HS6ST3: variants seen among roughly 807,000 people sequenced by gnomAD.
HS6ST3 encodes heparan sulfate 6-O-sulfotransferase 3, also known as heparan-sulfate 6-O-sulfotransferase 3.
A neutral mutation model predicts 36.7 loss-of-function variants in HS6ST3; 12 were observed. That is an observed-to-expected ratio of 0.33 (90% CI 0.21 to 0.53). The LOEUF is 0.53. HS6ST3 is among the 20% of genes least tolerant of loss of function. The pLI, the probability that HS6ST3 is intolerant of heterozygous loss-of-function variation, is 0.95. For missense variants in HS6ST3, 584 were observed against 640.9 expected, an observed-to-expected ratio of 0.91 and a Z score of 0.96; for synonymous variants, 240 against 257.5, an observed-to-expected ratio of 0.93 and a Z score of 0.65.
At chr13:96,162,632 G>A (rs553601161) in intron 1 of HS6ST3, among the ~76,000 whole-genome samples, 5 of 152,318 alleles carry the variant, frequency 3.3e-5, no homozygotes, top group African/African-American at 1.2e-4. Flanking sequence ...AAAAGGTGGT[G>A]TGAAGAATTC....
intron 1 of HS6ST3, among the ~76,000 whole-genome samples, chr13:96,134,990 G>T (rs1039517340): frequency 6.6e-6 from 1 of 152,182 alleles, no homozygotes; most frequent in Non-Finnish European, 1.5e-5. Flanking sequence ...CAGTCATTGG[G>T]ACCTGCAAGT....
chr13:96,238,700 A>G (rs1364363849), intron 1 of HS6ST3, among the ~76,000 whole-genome samples: 1 of 152,228 alleles, frequency 6.6e-6, no homozygotes, highest in Non-Finnish European at 1.5e-5. Flanking sequence ...CAAGGCTGGA[A>G]GCCCCAAGAA....
chr13:96,325,320 A>G (rs923635707), intron 1 of HS6ST3, among the ~76,000 whole-genome samples: 1 of 152,198 alleles, frequency 6.6e-6, no homozygotes, highest in African/African-American at 2.4e-5. Context: ...GACCTTCTGT[A>G]TCTGCAGGTT....
At chr13:96,425,613 CTGTG>C (rs147773346) in intron 1 of HS6ST3, among the ~76,000 whole-genome samples, 1 of 151,142 alleles carries the variant, frequency 6.6e-6, no homozygotes, top group African/African-American at 2.4e-5. Flanking sequence ...TGTAAACCTT[CTGTG>C]TGTGTGTGTG....
chr13:96,540,448 T>C (rs879629065), intron 1 of HS6ST3, among the ~76,000 whole-genome samples: 1 of 150,596 alleles, frequency 6.6e-6, no homozygotes, highest in Non-Finnish European at 1.5e-5. Flanking sequence ...TTACATTGGA[T>C]CCATTTTATC....
intron 1 of HS6ST3, among the ~76,000 whole-genome samples, chr13:96,685,092 C>T (rs1373114281): frequency 2.0e-5 from 3 of 152,034 alleles, no homozygotes; most frequent in Admixed American, 6.6e-5. Flanking sequence ...TTTGGCAGGG[C>T]CTGGTTCTCT....
intron 1 of HS6ST3, among the ~76,000 whole-genome samples, chr13:96,366,228 C>T (rs1382355206): frequency 1.3e-5 from 2 of 152,116 alleles, no homozygotes; most frequent in African/African-American, 4.8e-5. Flanking sequence ...GTAATCCCAG[C>T]ACTCTGGGAG....
chr13:96,305,462 C>G (rs956727942), intron 1 of HS6ST3, among the ~76,000 whole-genome samples: 2 of 152,078 alleles, frequency 1.3e-5, no homozygotes, highest in African/African-American at 4.8e-5. Context: ...TCAGACAGCT[C>G]TGTGTTTGCA....
chr13:96,479,209 G>A (rs1244717502), intron 1 of HS6ST3, among the ~76,000 whole-genome samples: 4 of 152,158 alleles, frequency 2.6e-5, no homozygotes, highest in African/African-American at 4.8e-5. Context: ...TTGCCTAAAC[G>A]GGTTCCTAAG....
At chr13:96,363,128 C>T (rs2055246590) in intron 1 of HS6ST3, among the ~76,000 whole-genome samples, 1 of 151,926 alleles carries the variant, frequency 6.6e-6, no homozygotes, top group African/African-American at 2.4e-5. Flanking sequence ...CATAGGACTG[C>T]ACACACACAC....
At chr13:96,661,620 G>A (rs2056646722) in intron 1 of HS6ST3, among the ~76,000 whole-genome samples, 1 of 152,038 alleles carries the variant, frequency 6.6e-6, no homozygotes, top group South Asian at 2.1e-4. Context: ...GACATGTGAG[G>A]TTTTGTTTCT....
chr13:96,675,392 AT>A (rs2138433978), intron 1 of HS6ST3, among the ~76,000 whole-genome samples: 1 of 152,226 alleles, frequency 6.6e-6, no homozygotes, highest in South Asian at 2.1e-4. Flanking sequence ...ATATTTATAT[AT>A]GTCACATTTG....
At chr13:96,109,605 C>G (rs2053858469) in intron 1 of HS6ST3, among the ~76,000 whole-genome samples, 1 of 152,088 alleles carries the variant, frequency 6.6e-6, no homozygotes, top group Admixed American at 6.5e-5. Context: ...TTGTTCTGTT[C>G]TGGAGAAGTG....
chr13:96,095,796 CATT>C (rs1312651847), intron 1 of HS6ST3, among the ~76,000 whole-genome samples: 2 of 151,684 alleles, frequency 1.3e-5, no homozygotes, highest in African/African-American at 4.9e-5. Context: ...TTCAGTCAAT[CATT>C]GTGTCCAGAG....
intron 1 of HS6ST3, among the ~76,000 whole-genome samples, chr13:96,649,104 A>G (rs904481779): frequency 6.6e-6 from 1 of 151,908 alleles, no homozygotes; most frequent in Non-Finnish European, 1.5e-5. Flanking sequence ...AATCTTTTCT[A>G]TCTCACTTTA....
chr13:96,237,274 A>C (rs1223762543), intron 1 of HS6ST3, among the ~76,000 whole-genome samples: 1 of 152,154 alleles, frequency 6.6e-6, no homozygotes, highest in East Asian at 1.9e-4. Context: ...AATGAAGTTT[A>C]TTTGCTTTTT....
chr13:96,377,589 A>G (rs917030835), intron 1 of HS6ST3, among the ~76,000 whole-genome samples: 2 of 152,164 alleles, frequency 1.3e-5, no homozygotes, highest in Non-Finnish European at 2.9e-5. Context: ...TTTTTTTCTA[A>G]TGAAAGAATC....
intron 1 of HS6ST3, among the ~76,000 whole-genome samples, chr13:96,334,923 C>T (rs2139423017): frequency 6.6e-6 from 1 of 152,316 alleles, no homozygotes; most frequent in East Asian, 1.9e-4. Flanking sequence ...AGTCATTCTT[C>T]AAGTACCTAG....
At chr13:96,686,245 A>G (rs1874775211) in intron 1 of HS6ST3, among the ~76,000 whole-genome samples, 2 of 152,020 alleles carry the variant, frequency 1.3e-5, no homozygotes. Context: ...TTTCAAGCCA[A>G]GAAAATAACT....
Sources: gnomAD v4.1 joint callset for allele counts (sites outside exome capture counted in the v4.1 genomes callset) on GRCh38, gnomAD v4.1.1 for gene constraint, MANE v1.5 for transcripts, NCBI Gene and HGNC (gene_info 2026-07-23, HGNC 2026-07-21) for gene names.